PDE8A: variants seen among roughly 807,000 people sequenced by gnomAD.
PDE8A encodes phosphodiesterase 8A.
PDE8A carries 59 observed loss-of-function variants against 105.0 expected under a neutral mutation model. The observed-to-expected ratio is 0.56, with a 90% CI of 0.46 to 0.70. The LOEUF (loss-of-function observed/expected upper bound fraction) is 0.70. PDE8A is among the 30% of genes least tolerant of loss of function. PDE8A has a pLI of 0.00. For synonymous variants in PDE8A, 355 were observed against 371.9 expected (o/e 0.95, Z 0.52); for missense variants, 1,014 against 1,045.9 (o/e 0.97, Z 0.42).
At chr15:85,086,582 A>G (rs989293230) in intron 6 of PDE8A, among the ~76,000 whole-genome samples, 1 of 152,196 alleles carries the variant, frequency 6.6e-6, no homozygotes, top group Non-Finnish European at 1.5e-5. Context: ...AAGATGTTCA[A>G]CCTCACTAAT....
chr15:85,124,413 C>T (rs185703032), intron 19 of PDE8A, among the ~76,000 whole-genome samples: 1 of 152,258 alleles, frequency 6.6e-6, no homozygotes, highest in African/African-American at 2.4e-5. Context: ...AACATGTTGG[C>T]AGCAGCTCAC....
At chr15:85,090,734 C>G (rs767325266) in intron 7 of PDE8A, 9 of 460,192 alleles carry the variant, frequency 2.0e-5, no homozygotes, top group Non-Finnish European at 3.5e-5. Flanking sequence ...TGTAGCAGCT[C>G]CTGGTTTGGC....
chr15:85,053,823 T>C (rs2081014938), intron 1 of PDE8A, among the ~76,000 whole-genome samples: 1 of 152,240 alleles, frequency 6.6e-6, no homozygotes, highest in Non-Finnish European at 1.5e-5. Flanking sequence ...TTCTCTTGCC[T>C]GATTGCCCTG....
chr15:85,069,958 C>T (rs1343193989), intron 3 of PDE8A, among the ~76,000 whole-genome samples: 1 of 152,122 alleles, frequency 6.6e-6, no homozygotes, highest in African/African-American at 2.4e-5. Flanking sequence ...TCATTCTGGC[C>T]CTTACCTGGC....
chr15:85,092,281 GCT>G (rs1214964260), intron 8 of PDE8A, among the ~76,000 whole-genome samples: 1 of 151,984 alleles, frequency 6.6e-6, no homozygotes, highest in Non-Finnish European at 1.5e-5. Context: ...AGTAGGCACT[GCT>G]CTATTTTGCC....
At chr15:85,009,700 C>G (rs978149540) in intron 1 of PDE8A, among the ~76,000 whole-genome samples, 2 of 152,140 alleles carry the variant, frequency 1.3e-5, no homozygotes, top group Admixed American at 6.5e-5. Flanking sequence ...TGTAAATTAG[C>G]AAGATTACTT....
chr15:84,999,517 T>C (rs145455893), intron 1 of PDE8A, among the ~76,000 whole-genome samples: 1 of 152,294 alleles, frequency 6.6e-6, no homozygotes, highest in Non-Finnish European at 1.5e-5. Context: ...CACTTGCTGG[T>C]AATGTGATGA....
At chr15:85,068,175 G>A (rs2081260034) in intron 3 of PDE8A, among the ~76,000 whole-genome samples, 1 of 152,006 alleles carries the variant, frequency 6.6e-6, no homozygotes, top group African/African-American at 2.4e-5. Context: ...CAAGTAGCTG[G>A]GATTACAGGC....
intron 8 of PDE8A, among the ~76,000 whole-genome samples, chr15:85,096,203 T>C (rs1478088414): frequency 1.3e-5 from 2 of 152,182 alleles, no homozygotes; most frequent in African/African-American, 4.8e-5. Flanking sequence ...TGCTGACTGA[T>C]TGAATTGGTC....
At chr15:85,134,157 C>T (rs766787201) in intron 20 of PDE8A, among the ~76,000 whole-genome samples, 2 of 152,176 alleles carry the variant, frequency 1.3e-5, no homozygotes, top group African/African-American at 2.4e-5. Flanking sequence ...AATCTAAGCA[C>T]GAGGGTCTTC....
At chr15:85,111,838 G>A (rs756072507) in intron 12 of PDE8A, among the ~76,000 whole-genome samples, 2 of 152,086 alleles carry the variant, frequency 1.3e-5, no homozygotes, top group African/African-American at 4.8e-5. Context: ...ATTTATTTAG[G>A]CTGTCTTTGT....
At chr15:85,120,669 G>C (rs891016941) in intron 17 of PDE8A, 128 bp from the exon 18 acceptor site, 1 of 641,704 alleles carries the variant, frequency 1.6e-6, no homozygotes, top group South Asian at 2.1e-5. Flanking sequence ...ATTTGCTCAC[G>C]TAGTATGCTT....
At chr15:85,112,511 C>T (rs1450300537) in intron 12 of PDE8A, among the ~76,000 whole-genome samples, 1 of 152,106 alleles carries the variant, frequency 6.6e-6, no homozygotes, top group African/African-American at 2.4e-5. Flanking sequence ...AGTTGGCAAT[C>T]CTATAATCAC....
chr15:85,035,837 TG>T (rs2080697729), intron 1 of PDE8A, among the ~76,000 whole-genome samples: 1 of 152,270 alleles, frequency 6.6e-6, no homozygotes, highest in Non-Finnish European at 1.5e-5. Flanking sequence ...GTGTATTTAA[TG>T]TTCTCCTTTG....
intron 1 of PDE8A, among the ~76,000 whole-genome samples, chr15:85,028,725 C>G (rs1459362703): frequency 6.6e-6 from 1 of 151,786 alleles, no homozygotes; most frequent in Non-Finnish European, 1.5e-5. Flanking sequence ...TTTTTTAATC[C>G]TCATCTCAAA....
chr15:84,983,441 C>A (rs748027024), intron 1 of PDE8A, among the ~76,000 whole-genome samples: 1 of 152,228 alleles, frequency 6.6e-6, no homozygotes, highest in Admixed American at 6.5e-5. Flanking sequence ...TTCTGTCTTA[C>A]ATTTCTAGCA....
chr15:85,101,681 G>A (rs1283938695), intron 11 of PDE8A, among the ~76,000 whole-genome samples: 1 of 152,214 alleles, frequency 6.6e-6, no homozygotes, highest in Non-Finnish European at 1.5e-5. Context: ...AAGAATACCA[G>A]CATTGCCATG....
intron 8 of PDE8A, among the ~76,000 whole-genome samples, chr15:85,093,345 G>A (rs2081681546): frequency 6.6e-6 from 1 of 152,178 alleles, no homozygotes; most frequent in Admixed American, 6.5e-5. Flanking sequence ...CCGCTGAGCT[G>A]GCCTGTGTTT....
intron 1 of PDE8A, among the ~76,000 whole-genome samples, chr15:85,027,883 G>T (rs905219754): frequency 2.0e-5 from 3 of 152,114 alleles, no homozygotes; most frequent in African/African-American, 7.2e-5. Flanking sequence ...CAAATGGGCT[G>T]TTGCAGTACA....
Sources: allele counts gnomAD v4.1 joint callset (sites outside exome capture counted in the v4.1 genomes callset), GRCh38; gene constraint gnomAD v4.1.1; transcripts MANE v1.5; gene names NCBI Gene and HGNC (gene_info 2026-07-23, HGNC 2026-07-21).